The following FAM20A variants were observed in gnomAD, a reference collection of about 807,000 sequenced individuals.
The protein encoded by FAM20A is pseudokinase FAM20A.
Under a neutral mutation model 52.0 loss-of-function variants are expected in FAM20A, and 42 were observed. The ratio of observed to expected loss-of-function variants is 0.81; its 90% CI spans 0.63 to 1.04. FAM20A has a LOEUF of 1.04. FAM20A is among the 50% of genes least tolerant of loss of function. FAM20A has a pLI of 0.00. For missense variants in FAM20A, 742 were observed against 712.7 expected (o/e 1.04, Z -0.47); for synonymous variants, 304 against 298.9 (o/e 1.02, Z -0.18).
At chr17:68,549,955 A>G (rs1365936361) in intron 4 of FAM20A, among the ~76,000 whole-genome samples, 1 of 152,240 alleles carries the variant, frequency 6.6e-6, no homozygotes, top group Admixed American at 6.5e-5. Flanking sequence ...AGGAGTCTCT[A>G]TATTCAGTCC....
In FAM20A at chr17:68,541,233, G is replaced by T. The variant is rs2286561; in HGVS notation, c.1110-275C>A. 0.19 allele frequency: 83,976 copies of T among 448,656 alleles called. 9,361 individuals carry two copies. The highest frequency in any genetic ancestry group is 0.43 in the East Asian group (9,290 of 21,472). The allele number at this position is 448,656 out of a possible 1,614,324, so 27.8% of individuals were successfully genotyped here. A position where few individuals can be genotyped will look rare whatever the true frequency, so the allele number is the denominator to read the frequency against. ...GGGAGAGGCCGGGGCAGGCAGGAAA[G>T]GAGGAGGTAGTGACCCTCACCTGCT... On this transcript the variant is annotated intron_variant, in intron 7 of 10. Coordinates refer to ENST00000592554, the MANE Select transcript of FAM20A (RefSeq NM_017565.4).
In FAM20A at chr17:68,600,798, C is replaced by T. The variant is rs2088604541; in HGVS notation, c.-132G>A. ...CCGGGGTCAGTGAGACCGGAATGCTCCCCGCGCGGGCTAGTCCCCTGTGGA... is the reference window on the plus strand; with the variant it reads ...CCGGGGTCAGTGAGACCGGAATGCTTCCCGCGCGGGCTAGTCCCCTGTGGA... On this transcript the variant is annotated 5_prime_UTR_variant, in exon 1 of 11. Coordinates refer to ENST00000592554, the MANE Select transcript of FAM20A (RefSeq NM_017565.4). This position sits in a 1 kb window ranked among gnomAD's most constrained non-coding sequence, Gnocchi z 6.2. 1 of 1,018,334 alleles carries T rather than the reference C, an allele frequency of 9.8e-7. No homozygotes were observed. The highest frequency in any genetic ancestry group is 1.4e-6 in the Non-Finnish European group (1 of 719,690). 63.1% of individuals were successfully genotyped at this position (1,018,334 alleles called of 1,614,324 possible).
intron 1 of FAM20A, among the ~76,000 whole-genome samples, chr17:68,576,738 G>A (rs546418643): frequency 2.6e-5 from 4 of 152,312 alleles, no homozygotes; most frequent in African/African-American, 9.6e-5. Flanking sequence ...GAAAAAATTA[G>A]GAATCAAAAT....
At chr17:68,568,228 G>A (rs1160139864) in intron 1 of FAM20A, among the ~76,000 whole-genome samples, 1 of 151,902 alleles carries the variant, frequency 6.6e-6, no homozygotes, top group Non-Finnish European at 1.5e-5. Context: ...CCAGTACTTT[G>A]GGAGGCCGAG....
Position 68,555,631 on chromosome 17 carries a change from G to T in FAM20A, c.517C>A (p.Leu173Ile), listed in dbSNP as rs746371307. Residue 173 changes from leucine (L) to isoleucine (I), a missense_variant, in exon 2 of 11, where the codon CTC (leucine) becomes ATC (isoleucine). Physicochemically the swap from Leu to Ile is conservative, Grantham distance 5 (BLOSUM62 2). Coordinates refer to ENST00000592554, the MANE Select transcript of FAM20A (RefSeq NM_017565.4). The stretch of plus-strand genomic sequence containing the variant: ...ACAACAGGGCTGGACCGGGAGTAGA[G>T]CCCATGGCGGTTAATACCCAGGTGG... ...QFHLGINRHGLYSRSSPVVSK... is the reference protein window; with the variant it reads ...QFHLGINRHGIYSRSSPVVSK... 1.2e-6 allele frequency: 2 copies of T among 1,613,720 alleles called. No homozygotes were observed. Among genetic ancestry groups the T allele is most frequent in the Non-Finnish European group, 8.5e-7 (1 of 1,180,024 alleles).
intron 1 of FAM20A, among the ~76,000 whole-genome samples, chr17:68,571,644 C>T (rs757241003): frequency 3.3e-5 from 5 of 152,122 alleles, no homozygotes; most frequent in Non-Finnish European, 5.9e-5. Context: ...TTATCCTTGA[C>T]GTGGGTCCTA....
chr17:68,588,705 C>T (rs893116123), intron 1 of FAM20A, among the ~76,000 whole-genome samples: 1 of 152,122 alleles, frequency 6.6e-6, no homozygotes, highest in Non-Finnish European at 1.5e-5. Context: ...CAAGACCTAC[C>T]CACAGGACCT....
At chr17:68,539,757 T>G in intron 9 of FAM20A, 128 bp downstream of exon 9, 2 of 844,254 alleles carry the variant, frequency 2.4e-6, no homozygotes, top group Non-Finnish European at 4.0e-6. Flanking sequence ...GAAGCCGGGC[T>G]CGAAGGAGAC....
chr17:68,555,828 C>A, intron 1 of FAM20A, 85 bp from the exon 2 acceptor site: 1 of 1,450,366 alleles, frequency 6.9e-7, no homozygotes. Flanking sequence ...TTTATTCATC[C>A]TTTCATTTAT....
In FAM20A at chr17:68,535,264, G is replaced by A; in HGVS notation, c.*2213C>T. 1 of 453,758 alleles carries A rather than the reference G, an allele frequency of 2.2e-6. No homozygotes were observed. 28.1% of individuals were successfully genotyped at this position (453,758 alleles called of 1,614,324 possible). On this transcript the variant is annotated 3_prime_UTR_variant, in exon 11 of 11. Transcript: ENST00000592554. The stretch of plus-strand genomic sequence containing the variant: ...GTTACTAATCAAAAAGTAATGGAAG[G>A]TTGAAAGATAAGTGAATAATAAGGT...
intron 8 of FAM20A, 51 bp downstream of exon 8, chr17:68,540,798 A>G: frequency 6.4e-7 from 1 of 1,556,488 alleles, no homozygotes. Context: ...GGGGAACCCT[A>G]GCCACATAGC....
At chr17:68,565,088 A>C (rs1332133742) in intron 1 of FAM20A, among the ~76,000 whole-genome samples, 1 of 152,166 alleles carries the variant, frequency 6.6e-6, no homozygotes. Flanking sequence ...GTTTTAGAGC[A>C]AAGGTTTATG....
Position 68,536,590 on chromosome 17 carries a change from A to T in FAM20A, c.*887T>A. 2.2e-6 allele frequency: 1 copy of T among 453,570 alleles called. No homozygotes were observed. The highest frequency in any genetic ancestry group is 6.9e-4 in the Middle Eastern group (1 of 1,444). 28.1% of individuals were successfully genotyped at this position (453,570 alleles called of 1,614,324 possible). On this transcript the variant is annotated 3_prime_UTR_variant, in exon 11 of 11. Coordinates refer to ENST00000592554, the MANE Select transcript of FAM20A (RefSeq NM_017565.4). ...ACATAGCCCCTTTCTTCTTTTGGGG[A>T]TGGGCCGGGGACAATCCTGGGGTCT...
chr17:68,572,000 ATATAT>A (rs2087562178), intron 1 of FAM20A, among the ~76,000 whole-genome samples: 1 of 36,304 alleles, frequency 2.8e-5, no homozygotes, highest in Non-Finnish European at 5.2e-5. Flanking sequence ...ATATATATAT[ATATAT>A]ATATATATAT....
rs753628884 is a variant in FAM20A, at chr17:68,542,715, T to C, written c.907A>G (p.Ser303Gly). The stretch of plus-strand genomic sequence containing the variant: ...CTACCTGGAGAGACAAAGAAAACAC[T>C]CTGCAGGATTTCATTCTTGGTGACC... Reference protein sequence around the residue: ...LEVTKNEILQSVFFVSPASNV... With the variant: ...LEVTKNEILQGVFFVSPASNV... Residue 303 changes from serine to glycine, a missense_variant, in exon 6 of 11, where the codon AGT becomes GGT. Ser to Gly is a moderately conservative substitution (Grantham distance 56). Transcript: ENST00000592554. The C allele has an allele frequency of 1.9e-5, 30 of 1,613,682 alleles. No homozygotes were observed. Among genetic ancestry groups the C allele is most frequent in the Non-Finnish European group, 2.5e-5 (30 of 1,179,788 alleles).
At position 68,542,690 on chromosome 17, in the gene FAM20A, C is replaced by T. The variant is rs773366431; in HGVS notation, c.928+4G>A. ...CCGGAATATCACTCGGGCCAGTACT[C>T]TACCTGGAGAGACAAAGAAAACACT... is the stretch of plus-strand genomic sequence containing the variant. On this transcript the variant is annotated splice_donor_region_variant and intron_variant, in intron 6 of 10. Coordinates refer to ENST00000592554, the MANE Select transcript of FAM20A (RefSeq NM_017565.4). 6.2e-7 allele frequency: 1 copy of T among 1,609,370 alleles called. No individual in the cohort carries two copies. The highest frequency in any genetic ancestry group is 1.1e-5 in the South Asian group (1 of 90,972).
intron 1 of FAM20A, among the ~76,000 whole-genome samples, chr17:68,565,364 G>A (rs558825288): frequency 7.6e-6 from 1 of 131,842 alleles, no homozygotes; most frequent in South Asian, 2.6e-4. Flanking sequence ...AAATCCTGGA[G>A]TTTAACCTCC....
intron 4 of FAM20A, 69 bp from the exon 5 acceptor site, chr17:68,543,790 A>G: frequency 3.0e-6 from 4 of 1,321,710 alleles, no homozygotes; most frequent in Non-Finnish European, 4.4e-6. Flanking sequence ...AGAGCTGATG[A>G]GCATGACCAG....
At chr17:68,556,225 C>T (rs866495005) in intron 1 of FAM20A, among the ~76,000 whole-genome samples, 1 of 152,038 alleles carries the variant, frequency 6.6e-6, no homozygotes, top group African/African-American at 2.4e-5. Context: ...GGGTGCAGAT[C>T]TTTAAGTGGG....
Sources: gnomAD v4.1 joint callset for allele counts (sites outside exome capture counted in the v4.1 genomes callset) on GRCh38, gnomAD v4.1.1 for gene constraint, Gnocchi (gnomAD v3.1) non-coding constraint, MANE v1.5 for transcripts, NCBI Gene and HGNC (gene_info 2026-07-23, HGNC 2026-07-21) for gene names.